Variants in RIMS1 observed in about 807,000 individuals in gnomAD.
RIMS1 encodes regulating synaptic membrane exocytosis protein 1.
A neutral mutation model predicts 214.1 loss-of-function variants in RIMS1; 83 were observed. The observed-to-expected ratio is 0.39, with a 90% CI of 0.32 to 0.47. The LOEUF (loss-of-function observed/expected upper bound fraction) is 0.47. RIMS1 is among the 20% of genes least tolerant of loss of function. The pLI is 0.99. For missense variants in RIMS1, 2,050 were observed against 2,161.8 expected (o/e 0.95, Z 1.03); for synonymous variants, 793 against 786.8 (o/e 1.01, Z -0.13).
At chr6:72,017,204 C>G (rs1249989912) in intron 2 of RIMS1, among the ~76,000 whole-genome samples, 1 of 152,150 alleles carries the variant, frequency 6.6e-6, no homozygotes, top group African/African-American at 2.4e-5. Context: ...TTTATCCCTG[C>G]TCTATCTTAA....
intron 2 of RIMS1, among the ~76,000 whole-genome samples, chr6:71,978,689 A>G (rs187365463): frequency 2.0e-5 from 3 of 152,220 alleles, no homozygotes; most frequent in South Asian, 2.1e-4. Context: ...AGCCATGTTT[A>G]TAACAAAATT....
chr6:72,025,429 G>A (rs1816131299), intron 2 of RIMS1, among the ~76,000 whole-genome samples: 1 of 152,136 alleles, frequency 6.6e-6, no homozygotes, highest in South Asian at 2.1e-4. Flanking sequence ...TGCCTCTGCT[G>A]CTTCTCTAAA....
rs1363844170 is a variant in RIMS1 at position 71,984,765 on chromosome 6, G to GTACATATC, written c.245+15704_245+15705insCATATCTA. Among the ~76,000 whole-genome samples, 2 of 133,850 alleles carry GTACATATC rather than the reference G, an allele frequency of 1.5e-5. 1 individual carries two copies. Among genetic ancestry groups the GTACATATC allele is most frequent in the South Asian group, 4.9e-4 (2 of 4,108 alleles). The allele number at this position is 133,850 out of a possible 152,430, so 87.8% of individuals were successfully genotyped here. On this transcript the variant is annotated intron_variant, in intron 2 of 33. Transcript: ENST00000521978. The stretch of plus-strand genomic sequence containing the variant: ...TCTGTGTATGTATGTATGTATGTAT[G>GTACATATC]TATGTACATATCTATCTATCTATCT...
At position 72,201,737 on chromosome 6, in the gene RIMS1, C is replaced by T. The variant is rs1001145073; in HGVS notation, c.1678+18588C>T. Among the ~76,000 whole-genome samples the T allele has an allele frequency of 2.0e-5, 3 of 152,214 alleles. No individual in the cohort carries two copies. The South Asian group carries it at 6.2e-4, about 31-fold the overall frequency. ...TATTCTGTCTGCAGTCTGGGCTCAA[C>T]CCTAACAATCTAAATTTTAACATAT... On this transcript the variant is annotated intron_variant, in intron 6 of 33. Transcript: ENST00000521978.
chr6:71,950,727 C>A (rs1789208916), intron 1 of RIMS1, among the ~76,000 whole-genome samples: 1 of 152,086 alleles, frequency 6.6e-6, no homozygotes, highest in African/African-American at 2.4e-5. Flanking sequence ...GCTTGTTTCC[C>A]TCCAGAAACA....
At chr6:71,962,150 C>A (rs566769457) in intron 1 of RIMS1, among the ~76,000 whole-genome samples, 1 of 152,194 alleles carries the variant, frequency 6.6e-6, no homozygotes, top group South Asian at 2.1e-4. Context: ...ATGGGGTAGA[C>A]TTCAATGATT....
At chr6:72,052,387 G>C (rs965164996) in intron 2 of RIMS1, among the ~76,000 whole-genome samples, 1 of 152,206 alleles carries the variant, frequency 6.6e-6, no homozygotes, top group African/African-American at 2.4e-5. Context: ...CAGAGTAATA[G>C]TGAGAAATAG....
At chr6:72,074,597 C>T (rs971015985) in intron 2 of RIMS1, among the ~76,000 whole-genome samples, 1 of 152,056 alleles carries the variant, frequency 6.6e-6, no homozygotes, top group Non-Finnish European at 1.5e-5. Flanking sequence ...CCTGGGAAGT[C>T]GAAGCTGCAG....
At chr6:72,370,117 G>C (rs1327386110) in intron 29 of RIMS1, among the ~76,000 whole-genome samples, 1 of 152,170 alleles carries the variant, frequency 6.6e-6, no homozygotes. Context: ...TTTCTCCCTG[G>C]TTTTCCAAGA....
At chr6:71,911,519 A>G (rs1298021581) in intron 1 of RIMS1, among the ~76,000 whole-genome samples, 1 of 152,168 alleles carries the variant, frequency 6.6e-6, no homozygotes, top group East Asian at 1.9e-4. Flanking sequence ...AGTAAAGGAA[A>G]GAAGCTTCCC....
At chr6:71,992,650 C>CT (rs1802203545) in intron 2 of RIMS1, among the ~76,000 whole-genome samples, 1 of 148,798 alleles carries the variant, frequency 6.7e-6, no homozygotes, top group Non-Finnish European at 1.5e-5. Context: ...TCTTCCTCTT[C>CT]TTTTTTCCTT....
At chr6:72,103,203 C>T (rs2034008739) in intron 4 of RIMS1, among the ~76,000 whole-genome samples, 1 of 152,018 alleles carries the variant, frequency 6.6e-6, no homozygotes, top group Admixed American at 6.6e-5. Context: ...TGAGCTTATC[C>T]TAGAGAGGAA....
chr6:72,214,460 T>G (rs1404830528), intron 6 of RIMS1, among the ~76,000 whole-genome samples: 1 of 152,158 alleles, frequency 6.6e-6, no homozygotes, highest in Non-Finnish European at 1.5e-5. Context: ...CAAGGCACTT[T>G]GGGGAACTCA....
intron 1 of RIMS1, among the ~76,000 whole-genome samples, chr6:71,963,860 G>A (rs943675484): frequency 6.6e-6 from 1 of 152,108 alleles, no homozygotes; most frequent in East Asian, 1.9e-4. Context: ...ACTGAAGCTT[G>A]AAATCTATAG....
In RIMS1 at chr6:71,941,730, G is replaced by C. The variant is rs566642563; in HGVS notation, c.165-27253G>C. ...ACTGCTTCTCTGCCCAGATTCTTCT[G>C]AGTAAAACTTGGCTTGAATTGTCTG... On this transcript the variant is annotated intron_variant, in intron 1 of 33. Transcript: ENST00000521978. Among the ~76,000 whole-genome samples the C allele has an allele frequency of 2.0e-5, 3 of 152,200 alleles. No individual in the cohort carries two copies. In the East Asian group the frequency reaches 5.8e-4, roughly 29 times the overall value.
At chr6:72,091,781 T>A (rs1836297574) in intron 2 of RIMS1, among the ~76,000 whole-genome samples, 1 of 152,314 alleles carries the variant, frequency 6.6e-6, no homozygotes, top group Admixed American at 6.5e-5. Flanking sequence ...TATTTTACAA[T>A]ACTCTCCATT....
chr6:72,025,066 G>C (rs1816001613), intron 2 of RIMS1, among the ~76,000 whole-genome samples: 1 of 151,786 alleles, frequency 6.6e-6, no homozygotes, highest in Admixed American at 6.6e-5. Flanking sequence ...ACCATACCCG[G>C]CTAATTTTTG....
intron 2 of RIMS1, among the ~76,000 whole-genome samples, chr6:72,093,210 G>GTGTATATATATATATATATATATATATA (rs1562294267): frequency 3.4e-4 from 19 of 56,492 alleles, no homozygotes; most frequent in Admixed American, 9.8e-4. Context: ...ATGTATGTGA[G>GTGTATATATATATATATATATATATATA]TATATATATA....
intron 1 of RIMS1, among the ~76,000 whole-genome samples, chr6:71,899,149 G>C (rs1772798154): frequency 6.6e-6 from 1 of 151,866 alleles, no homozygotes; most frequent in Non-Finnish European, 1.5e-5. Context: ...TTTTATTTAA[G>C]CTGTATCAAC....
Sources: gnomAD v4.1 joint callset for allele counts (sites outside exome capture counted in the v4.1 genomes callset) on GRCh38, gnomAD v4.1.1 for gene constraint, MANE v1.5 for transcripts, NCBI Gene and HGNC (gene_info 2026-07-23, HGNC 2026-07-21) for gene names.